NCAM2: variants seen among roughly 807,000 people sequenced by gnomAD.
NCAM2 encodes neural cell adhesion molecule 2, also known as N-CAM-2.
Under a neutral mutation model 98.1 loss-of-function variants are expected in NCAM2, and 30 were observed. The ratio of observed to expected loss-of-function variants is 0.31; its 90% confidence interval spans 0.23 to 0.41. The LOEUF (loss-of-function observed/expected upper bound fraction) is 0.41, where lower values mean the gene tolerates loss of function less well. Ranked by LOEUF, NCAM2 falls within the 10% of genes least tolerant of loss-of-function variation. The pLI is 1.00. For synonymous variants in NCAM2, 368 were observed against 342.4 expected (o/e 1.07, Z -0.83); for missense variants, 867 against 1,005.8 (o/e 0.86, Z 1.87).
chr21:21,457,073 G>A lies in NCAM2; in HGVS notation c.1655-9533G>A, dbSNP rs182945742. ...CAAATACCTGAAAATGTAGAAGAGGGTTTAGAATTGGGTAATGGCTAGAAG... is the reference window on the plus strand; with the variant it reads ...CAAATACCTGAAAATGTAGAAGAGGATTTAGAATTGGGTAATGGCTAGAAG... On this transcript the variant is annotated intron_variant, in intron 12 of 17. Coordinates refer to ENST00000400546, the MANE Select transcript of NCAM2 (RefSeq NM_004540.5). 1.7e-3 allele frequency among the ~76,000 whole-genome samples: 261 copies of A among 152,282 alleles called. 2 individuals carry two copies. The highest frequency in any genetic ancestry group is 6.1e-3 in the African/African-American group (252 of 41,556).
At chr21:21,360,264 G>T (rs2075609402) in intron 8 of NCAM2, among the ~76,000 whole-genome samples, 1 of 151,840 alleles carries the variant, frequency 6.6e-6, no homozygotes. Flanking sequence ...ATTTAAAAAA[G>T]ATATATTCAA....
chr21:21,004,473 A>G (rs2064076248), intron 1 of NCAM2, among the ~76,000 whole-genome samples: 1 of 152,190 alleles, frequency 6.6e-6, no homozygotes, highest in African/African-American at 2.4e-5. Context: ...TTCCAGTTGC[A>G]TACCTATTTT....
At chr21:21,472,086 A>G (rs1189522116) in intron 14 of NCAM2, among the ~76,000 whole-genome samples, 1 of 152,046 alleles carries the variant, frequency 6.6e-6, no homozygotes. Flanking sequence ...AATTTAGTAC[A>G]TAGATTTTTA....
intron 12 of NCAM2, among the ~76,000 whole-genome samples, chr21:21,453,202 G>T (rs565553354): frequency 6.7e-6 from 1 of 148,170 alleles, no homozygotes; most frequent in South Asian, 2.1e-4. Context: ...AAAGTATGAA[G>T]AAAAATGAAG....
intron 9 of NCAM2, among the ~76,000 whole-genome samples, chr21:21,383,511 C>G (rs1417223778): frequency 6.6e-6 from 1 of 151,908 alleles, no homozygotes; most frequent in South Asian, 2.1e-4. Flanking sequence ...GAGAGAAAAA[C>G]AAAGAAAAAA....
At chr21:21,509,188 G>A in intron 16 of NCAM2, 133 bp downstream of exon 16, 1 of 723,302 alleles carries the variant, frequency 1.4e-6, no homozygotes, top group Non-Finnish European at 2.3e-6. Flanking sequence ...ACACTGCACT[G>A]CCTGCTCTCT....
chr21:21,256,615 C>T (rs1034153213), intron 1 of NCAM2, among the ~76,000 whole-genome samples: 3 of 152,128 alleles, frequency 2.0e-5, no homozygotes, highest in Non-Finnish European at 2.9e-5. Context: ...TCCACCTCTA[C>T]AATCATATGC....
At chr21:21,515,837 T>A (rs1465851861) in intron 16 of NCAM2, among the ~76,000 whole-genome samples, 1 of 152,148 alleles carries the variant, frequency 6.6e-6, no homozygotes, top group Non-Finnish European at 1.5e-5. Flanking sequence ...GTGTTTGAAA[T>A]CTTCTTATTA....
At chr21:21,376,206 G>A (rs1256570618) in intron 9 of NCAM2, among the ~76,000 whole-genome samples, 1 of 151,812 alleles carries the variant, frequency 6.6e-6, no homozygotes, top group African/African-American at 2.4e-5. Flanking sequence ...ATTCTCCAGA[G>A]ATGCCCTGGG....
At chr21:21,037,884 G>A (rs980552272) in intron 1 of NCAM2, among the ~76,000 whole-genome samples, 1 of 152,142 alleles carries the variant, frequency 6.6e-6, no homozygotes, top group Non-Finnish European at 1.5e-5. Context: ...TTTTGATAGT[G>A]TTGAAGCAGA....
chr21:21,277,412 C>A (rs1031087623), intron 1 of NCAM2, among the ~76,000 whole-genome samples: 4 of 151,970 alleles, frequency 2.6e-5, no homozygotes, highest in African/African-American at 7.3e-5. Context: ...TTTATTGATA[C>A]CATAGATGGG....
rs1250519633 is a variant in NCAM2, at chr21:21,429,511, GCA to G, written c.1481-2594_1481-2593del. ...TGTACATTAGGGAGTCAGCCACTCA[GCA>G]CAGATTGAAGAATTGGCATTTTTTA... On this transcript the variant is annotated intron_variant, in intron 11 of 17. Coordinates refer to ENST00000400546, the MANE Select transcript of NCAM2 (RefSeq NM_004540.5). Among the ~76,000 whole-genome samples, 7 of 152,288 alleles carry G rather than the reference GCA, an allele frequency of 4.6e-5. No individual in the cohort carries two copies. In the East Asian group the frequency reaches 1.4e-3, roughly 29 times the overall value.
intron 8 of NCAM2, among the ~76,000 whole-genome samples, chr21:21,357,909 A>G (rs1404169465): frequency 6.6e-6 from 1 of 152,172 alleles, no homozygotes; most frequent in African/African-American, 2.4e-5. Flanking sequence ...AGGAACAATA[A>G]TATGTTTGTT....
chr21:21,398,482 G>C (rs758068252), intron 9 of NCAM2, among the ~76,000 whole-genome samples: 1 of 152,150 alleles, frequency 6.6e-6, no homozygotes, highest in Non-Finnish European at 1.5e-5. Flanking sequence ...ACAAAGCACC[G>C]AAAGCACAAA....
intron 1 of NCAM2, among the ~76,000 whole-genome samples, chr21:21,188,302 A>G (rs1207642964): frequency 6.6e-6 from 1 of 152,156 alleles, no homozygotes; most frequent in Non-Finnish European, 1.5e-5. Context: ...AATACTTACA[A>G]ATTTTTGCCA....
chr21:21,134,625 G>A (rs1462490943), intron 1 of NCAM2, among the ~76,000 whole-genome samples: 1 of 151,774 alleles, frequency 6.6e-6, no homozygotes, highest in African/African-American at 2.4e-5. Flanking sequence ...TAGAAAATGA[G>A]ATATAGTCTT....
At chr21:21,364,831 ACAATT>A (rs1304701719) in intron 8 of NCAM2, among the ~76,000 whole-genome samples, 2 of 152,152 alleles carry the variant, frequency 1.3e-5, no homozygotes, top group African/African-American at 4.8e-5. Flanking sequence ...GGAACTAGTG[ACAATT>A]TAAAATACTT....
At chr21:21,271,166 C>A (rs1347864591) in intron 1 of NCAM2, among the ~76,000 whole-genome samples, 1 of 152,108 alleles carries the variant, frequency 6.6e-6, no homozygotes, top group Non-Finnish European at 1.5e-5. Context: ...TTGGATTCAA[C>A]TTTTAAACTC....
chr21:21,055,726 A>G (rs2065196856), intron 1 of NCAM2, among the ~76,000 whole-genome samples: 1 of 152,142 alleles, frequency 6.6e-6, no homozygotes, highest in Non-Finnish European at 1.5e-5. Context: ...ATTTGGGATT[A>G]GACTAAGTGT....
Sources: allele counts gnomAD v4.1 joint callset (sites outside exome capture counted in the v4.1 genomes callset), GRCh38; gene constraint gnomAD v4.1.1; transcripts MANE v1.5; gene names NCBI Gene and HGNC (gene_info 2026-07-23, HGNC 2026-07-21).